HOMER2: variants seen among roughly 807,000 people sequenced by gnomAD.
HOMER2 encodes the protein homer protein homolog 2.
Under a neutral mutation model 47.0 loss-of-function variants are expected in HOMER2, and 27 were observed. The observed-to-expected ratio is 0.57, with a 90% CI of 0.42 to 0.79. The LOEUF (loss-of-function observed/expected upper bound fraction) is 0.79, where lower values mean the gene tolerates loss of function less well. HOMER2 is among the 30% of genes least tolerant of loss of function. HOMER2 has a pLI of 0.00. For missense variants in HOMER2, 443 were observed against 435.0 expected (o/e 1.02, Z -0.16); for synonymous variants, 161 against 163.8 (o/e 0.98, Z 0.13).
chr15:82,918,605 A>G (rs752332552), intron 1 of HOMER2, among the ~76,000 whole-genome samples: 26 of 152,044 alleles, frequency 1.7e-4, no homozygotes, highest in Non-Finnish European at 2.8e-4. Flanking sequence ...TGACACCTGA[A>G]TGTGTACCTC....
chr15:82,846,072 G>C (rs2051243326), downstream of HOMER2: 1 of 152,280 alleles, frequency 6.6e-6, no homozygotes, highest in South Asian at 2.1e-4. Context: ...CGTTCAAGCT[G>C]CTCCCACCAC....
intron 4 of HOMER2, among the ~76,000 whole-genome samples, chr15:82,863,169 C>T (rs1156992060): frequency 2.0e-5 from 3 of 152,082 alleles, no homozygotes; most frequent in African/African-American, 7.2e-5. Context: ...TCTCTTCCTG[C>T]AACCTGTCCT....
At chr15:82,912,782 T>C (rs991267107) in intron 1 of HOMER2, among the ~76,000 whole-genome samples, 1 of 152,208 alleles carries the variant, frequency 6.6e-6, no homozygotes, top group African/African-American at 2.4e-5. Context: ...ATAGCCATCC[T>C]ACTGGGTGTG....
Position 82,938,841 on chromosome 15 carries a change from T to G in HOMER2, c.5+13690A>C, listed in dbSNP as rs922705150. On this transcript the variant is annotated intron_variant, in intron 1 of 8. Transcript: ENST00000450735. ...CCTCCTCTAAGCTTTCTGAGGCCTCTGACCCTGTTGAAGATGCTCCCCTTT... is the reference window on the plus strand; with the variant it reads ...CCTCCTCTAAGCTTTCTGAGGCCTCGGACCCTGTTGAAGATGCTCCCCTTT... 5.6e-4 allele frequency among the ~76,000 whole-genome samples: 85 copies of G among 152,198 alleles called. 1 individual carries two copies. The highest frequency in any genetic ancestry group is 1.9e-3 in the African/African-American group (78 of 41,450).
Position 82,943,914 on chromosome 15 carries a change from C to G in HOMER2, c.5+8617G>C, listed in dbSNP as rs567927806. On this transcript the variant is annotated intron_variant, in intron 1 of 8. Transcript: ENST00000450735. ...TCAAGAGCTTCTTTTTAATACACGG[C>G]TCTCACCCTGACTCCTCTGGCTAGT... is the stretch of plus-strand genomic sequence containing the variant. Among the ~76,000 whole-genome samples, 9 of 152,336 alleles carry G rather than the reference C, an allele frequency of 5.9e-5. No homozygotes were observed. The South Asian group carries it at 1.9e-3, about 32-fold the overall frequency.
chr15:82,852,116 G>A lies in HOMER2; in HGVS notation c.762+26C>T, dbSNP rs372537192. 9.0e-5 allele frequency: 139 copies of A among 1,551,044 alleles called. 1 individual carries two copies. In the African/African-American group the frequency reaches 1.8e-3, roughly 20 times the overall value. ...CGCAAGGCCAAGAGGACGCCAAGGG[G>A]CCCTGCTCGGAGCACCATTACTCAC... On this transcript the variant is annotated intron_variant, in intron 7 of 8. Transcript: ENST00000450735.
chr15:82,880,865 T>G (rs929383276), intron 2 of HOMER2, among the ~76,000 whole-genome samples: 11 of 151,434 alleles, frequency 7.3e-5, no homozygotes, highest in African/African-American at 2.4e-4. Flanking sequence ...GGTGAAGGAG[T>G]TGGCAGTACA....
At chr15:82,932,225 T>G (rs1403664262) in intron 1 of HOMER2, among the ~76,000 whole-genome samples, 1 of 152,172 alleles carries the variant, frequency 6.6e-6, no homozygotes, top group Non-Finnish European at 1.5e-5. Context: ...CCGGGCGTGG[T>G]GGCTCACGCC....
intron 3 of HOMER2, among the ~76,000 whole-genome samples, chr15:82,865,334 T>C (rs2051930682): frequency 6.6e-6 from 1 of 152,158 alleles, no homozygotes; most frequent in Non-Finnish European, 1.5e-5. Context: ...AAAACATCAT[T>C]ATCATGAACT....
intron 2 of HOMER2, among the ~76,000 whole-genome samples, chr15:82,880,366 G>A (rs2052482934): frequency 6.6e-6 from 1 of 152,206 alleles, no homozygotes; most frequent in Admixed American, 6.5e-5. Context: ...AGAAAAGCAA[G>A]GGAATGCTTA....
intron 4 of HOMER2, among the ~76,000 whole-genome samples, chr15:82,861,731 G>A (rs1490340288): frequency 1.3e-5 from 2 of 152,174 alleles, no homozygotes; most frequent in Non-Finnish European, 2.9e-5. Context: ...CAAGGGCCGG[G>A]TGCAGTGGCT....
chr15:82,896,735 G>A (rs575121434), intron 1 of HOMER2, among the ~76,000 whole-genome samples: 3 of 152,324 alleles, frequency 2.0e-5, no homozygotes, highest in Admixed American at 6.5e-5. Context: ...AGGATTGCAC[G>A]GCCAGTCTGG....
intron 5 of HOMER2, among the ~76,000 whole-genome samples, chr15:82,856,642 A>C (rs916153353): frequency 1.4e-4 from 21 of 152,194 alleles, no homozygotes; most frequent in African/African-American, 5.1e-4. Flanking sequence ...ATAAATAAAT[A>C]AAGCTCTCAC....
At chr15:82,944,580 C>G (rs897783785) in intron 1 of HOMER2, among the ~76,000 whole-genome samples, 1 of 152,158 alleles carries the variant, frequency 6.6e-6, no homozygotes, top group South Asian at 2.1e-4. Context: ...TGCTATTTGA[C>G]TGCTGTTCAC....
At chr15:82,950,177 G>A (rs1487667254) in intron 1 of HOMER2, among the ~76,000 whole-genome samples, 1 of 152,136 alleles carries the variant, frequency 6.6e-6, no homozygotes, top group African/African-American at 2.4e-5. Context: ...GCCACGGGGT[G>A]TGCCTAGGAA....
rs142470820 is a variant in HOMER2, at chr15:82,854,450, T to C, written c.651+194A>G. On this transcript the variant is annotated intron_variant, in intron 6 of 8. Coordinates refer to ENST00000450735, the MANE Select transcript of HOMER2 (RefSeq NM_004839.4). ...AAAACCAGAAAAGGTAATGAGTCAA[T>C]TATGTACGTGGTTAAATTCCTACTA... Among the ~76,000 whole-genome samples the C allele has an allele frequency of 4.4e-3, 668 of 151,978 alleles. 3 individuals carry two copies. The highest frequency in any genetic ancestry group is 0.01 in the Middle Eastern group (3 of 294).
chr15:82,927,763 G>A (rs1277380635), intron 1 of HOMER2, among the ~76,000 whole-genome samples: 1 of 152,106 alleles, frequency 6.6e-6, no homozygotes, highest in Non-Finnish European at 1.5e-5. Flanking sequence ...GTGAAGTCAG[G>A]AGTTCAAGAT....
At chr15:82,892,230 C>T (rs994009996) in intron 2 of HOMER2, among the ~76,000 whole-genome samples, 5 of 152,132 alleles carry the variant, frequency 3.3e-5, no homozygotes, top group African/African-American at 4.8e-5. Flanking sequence ...GCTGGAAGAA[C>T]GAACCCTTCT....
exon 2 of HOMER2, chr15:82,837,235 A>C (rs1194934495): frequency 6.6e-6 from 1 of 152,238 alleles, no homozygotes; most frequent in Non-Finnish European, 1.5e-5. Flanking sequence ...TTGTGTGATT[A>C]GTCTGGGCCC....
Sources: gnomAD v4.1 joint callset for allele counts (sites outside exome capture counted in the v4.1 genomes callset) on GRCh38, gnomAD v4.1.1 for gene constraint, MANE v1.5 for transcripts, NCBI Gene and HGNC (gene_info 2026-07-23, HGNC 2026-07-21) for gene names.